The following LCA5L variants were observed in gnomAD, a reference collection of about 807,000 sequenced individuals.
LCA5L encodes the protein lebercilin-like protein.
A neutral mutation model predicts 45.4 loss-of-function variants in LCA5L; 35 were observed. That is an observed-to-expected ratio of 0.77 (90% CI 0.59 to 1.02). LCA5L has a LOEUF of 1.02. LCA5L is among the 50% of genes least tolerant of loss of function. The pLI is 0.00. For synonymous variants in LCA5L, 233 were observed against 264.7 expected (o/e 0.88, Z 1.16); for missense variants, 668 against 761.6 (o/e 0.88, Z 1.45).
intron 2 of LCA5L, among the ~76,000 whole-genome samples, chr21:39,439,262 G>A (rs1228855593): frequency 6.6e-6 from 1 of 152,162 alleles, no homozygotes; most frequent in Non-Finnish European, 1.5e-5. Context: ...GTTAGAAAAG[G>A]GAAGGGAATG....
chr21:39,405,921 TG>T lies in LCA5L; in HGVS notation c.1973del (p.Pro658HisfsTer11). The T allele has an allele frequency of 6.2e-7, 1 of 1,606,872 alleles. No homozygotes were observed. Among genetic ancestry groups the T allele is most frequent in the Non-Finnish European group, 8.5e-7 (1 of 1,174,894 alleles). On this transcript the variant is annotated frameshift_variant, in exon 11 of 11. Transcript: ENST00000288350. LOFTEE classifies it high-confidence loss of function. ...SKVTVVNSIK[P>X]SSPTEGKRKI... ...TTCTTTTTCCTTCTGTAGGTGACGA[TG>T]GCTTAATAGAATTTACCACAGTTAC...
chr21:39,417,443 C>T (rs1344009431), intron 7 of LCA5L, among the ~76,000 whole-genome samples: 2 of 152,232 alleles, frequency 1.3e-5, no homozygotes, highest in Non-Finnish European at 2.9e-5. Context: ...GCTGTCCCTT[C>T]TACTCTATTC....
chr21:39,425,588 CTG>C (rs1436590538), intron 5 of LCA5L, among the ~76,000 whole-genome samples: 2 of 152,162 alleles, frequency 1.3e-5, no homozygotes, highest in Non-Finnish European at 2.9e-5. Flanking sequence ...GAAGAGGTGT[CTG>C]TGGTTTTGTT....
intron 7 of LCA5L, among the ~76,000 whole-genome samples, chr21:39,414,869 G>A (rs570573631): frequency 6.6e-6 from 1 of 151,790 alleles, no homozygotes; most frequent in African/African-American, 2.4e-5. Context: ...GAAATTCTTT[G>A]TTAGATCTGG....
intron 7 of LCA5L, among the ~76,000 whole-genome samples, chr21:39,420,247 T>C (rs1415325748): frequency 1.3e-5 from 2 of 151,752 alleles, no homozygotes; most frequent in Admixed American, 6.6e-5. Flanking sequence ...TTAGGCCAGG[T>C]GCGGTGGCTC....
intron 10 of LCA5L, 36 bp from the exon 11 acceptor site, chr21:39,406,648 AAATG>A: frequency 6.8e-7 from 1 of 1,466,678 alleles, no homozygotes; most frequent in Non-Finnish European, 9.2e-7. Flanking sequence ...GTGCTGTTTA[AAATG>A]AATGGATCTC....
chr21:39,440,129 C>T (rs1230902913), intron 2 of LCA5L, among the ~76,000 whole-genome samples: 2 of 152,124 alleles, frequency 1.3e-5, no homozygotes, highest in African/African-American at 4.8e-5. Flanking sequence ...CTGAGAGGGC[C>T]TAGAATCAAC....
intron 8 of LCA5L, chr21:39,410,943 T>C: frequency 2.1e-6 from 1 of 470,812 alleles, no homozygotes; most frequent in Non-Finnish European, 4.4e-6. Flanking sequence ...CAGAGGTGAG[T>C]ATTCCTATGG....
chr21:39,425,328 A>G (rs898385967), intron 5 of LCA5L, among the ~76,000 whole-genome samples: 2 of 152,206 alleles, frequency 1.3e-5, no homozygotes, highest in Non-Finnish European at 2.9e-5. Context: ...ATGAACCAAG[A>G]GAGCCAAAGC....
chr21:39,406,579 T>A lies in LCA5L; in HGVS notation c.1316A>T (p.Gln439Leu). ...TCTTCCAGTATTCTCCAGCAGTATTTGGACTTCCAAATGTTTCTCTTCCCC... is the reference window on the plus strand; with the variant it reads ...TCTTCCAGTATTCTCCAGCAGTATTAGGACTTCCAAATGTTTCTCTTCCCC... ...LSGEEKHLEV[Q>L]ILLENTGRQK... The change falls in exon 11 of 11, where the codon CAA becomes CTA. Residue 439 changes from glutamine to leucine, a missense_variant. Gln to Leu is a moderately radical substitution (Grantham distance 113). Coordinates refer to ENST00000288350, the MANE Select transcript of LCA5L (RefSeq NM_152505.4). The A allele has an allele frequency of 6.3e-7, 1 of 1,594,818 alleles. No homozygotes were observed.
In LCA5L at chr21:39,406,089, G is replaced by C. The variant is rs777762689; in HGVS notation, c.1806C>G (p.Leu602=). ...TTTTCAAGACATAGCCTGATCCAAA[G>C]AGTTCTTCCATGAGACTGCTTTTCT... ...RDKKSSLMEE[L]FGSGYVLKTD... is the part of the protein sequence containing the mutation. The change falls in exon 11 of 11, where the codon CTC becomes CTG. Residue 602 remains leucine, a synonymous_variant. Coordinates refer to ENST00000288350, the MANE Select transcript of LCA5L (RefSeq NM_152505.4). 6.2e-7 allele frequency: 1 copy of C among 1,614,152 alleles called. No individual in the cohort carries two copies. The highest frequency in any genetic ancestry group is 1.1e-5 in the South Asian group (1 of 91,088).
chr21:39,420,662 G>A (rs1395221209), intron 7 of LCA5L, 44 bp downstream of exon 7: 10 of 1,538,424 alleles, frequency 6.5e-6, no homozygotes, highest in African/African-American at 2.7e-5. Context: ...CATATATTTC[G>A]GGAAACAGGA....
In LCA5L at chr21:39,422,959, G is replaced by C; in HGVS notation, c.837+17C>G. 1 of 1,609,122 alleles carries C rather than the reference G, an allele frequency of 6.2e-7. No individual in the cohort carries two copies. Among genetic ancestry groups the C allele is most frequent in the Non-Finnish European group, 8.5e-7 (1 of 1,178,032 alleles). On this transcript the variant is annotated intron_variant, in intron 6 of 10. Coordinates refer to ENST00000288350, the MANE Select transcript of LCA5L (RefSeq NM_152505.4). ...AACTTTGGAATCTTAAACTGTCTGG[G>C]CCCCTGAAATACAGACCTGTATTTT...
intron 7 of LCA5L, among the ~76,000 whole-genome samples, chr21:39,414,856 C>T (rs1047384737): frequency 1.9e-4 from 29 of 151,302 alleles, no homozygotes; most frequent in Non-Finnish European, 3.8e-4. Context: ...TTTTTATCTT[C>T]CAGAAATTCT....
At chr21:39,439,258 A>C (rs2076578101) in intron 2 of LCA5L, among the ~76,000 whole-genome samples, 1 of 152,180 alleles carries the variant, frequency 6.6e-6, no homozygotes, top group Non-Finnish European at 1.5e-5. Context: ...AGAAGTTAGA[A>C]AAGGGAAGGG....
intron 8 of LCA5L, 80 bp downstream of exon 8, chr21:39,411,638 C>G: frequency 4.6e-6 from 3 of 652,382 alleles, no homozygotes; most frequent in Non-Finnish European, 7.9e-6. Flanking sequence ...TGAAAATATC[C>G]ATTATTTTGT....
At chr21:39,436,263 T>C (rs1378316192) in intron 2 of LCA5L, 1 of 152,238 alleles carries the variant, frequency 6.6e-6, no homozygotes, top group East Asian at 1.9e-4. Context: ...ACTGATTTAG[T>C]ATTATATACT....
chr21:39,441,850 T>C (rs993371962), intron 2 of LCA5L, among the ~76,000 whole-genome samples: 1 of 152,256 alleles, frequency 6.6e-6, no homozygotes, highest in Non-Finnish European at 1.5e-5. Context: ...TTTAATAGAA[T>C]TGTATTAAAA....
chr21:39,410,775 C>G, intron 8 of LCA5L: 1 of 466,956 alleles, frequency 2.1e-6, no homozygotes, highest in Non-Finnish European at 4.4e-6. Flanking sequence ...ACTGCACTTT[C>G]CTGAAAAGTG....
Sources: allele counts gnomAD v4.1 joint callset (sites outside exome capture counted in the v4.1 genomes callset), GRCh38; gene constraint gnomAD v4.1.1; transcripts MANE v1.5; gene names NCBI Gene and HGNC (gene_info 2026-07-23, HGNC 2026-07-21).